Variants in FHIT observed in about 807,000 individuals in gnomAD.
FHIT encodes the protein bis(5'-adenosyl)-triphosphatase.
A neutral mutation model predicts 17.9 loss-of-function variants in FHIT; 19 were observed. The ratio of observed to expected loss-of-function variants is 1.06; its 90% CI spans 0.74 to 1.56. The LOEUF (loss-of-function observed/expected upper bound fraction) is 1.56. Ranked by LOEUF, FHIT falls within the 40% of genes most tolerant of loss-of-function variation. The pLI, the probability that FHIT is intolerant of heterozygous loss-of-function variation, is 0.00. For missense variants in FHIT, 248 were observed against 189.2 expected, an observed-to-expected ratio of 1.31 and a Z score of -1.82; for synonymous variants, 81 against 69.7, an observed-to-expected ratio of 1.16 and a Z score of -0.81.
intron 5 of FHIT, among the ~76,000 whole-genome samples, chr3:60,441,796 A>ATGTGTGTGTGTGTG (rs1231842131): frequency 1.4e-4 from 9 of 66,092 alleles, no homozygotes; most frequent in Admixed American, 3.9e-4. Flanking sequence ...ATATATATAT[A>ATGTGTGTGTGTGTG]TATATATATA....
At chr3:60,399,962 C>A (rs557261275) in intron 5 of FHIT, among the ~76,000 whole-genome samples, 1 of 152,256 alleles carries the variant, frequency 6.6e-6, no homozygotes, top group South Asian at 2.1e-4. Context: ...TTGCTCCCAG[C>A]CTCCAGGAAC....
intron 3 of FHIT, among the ~76,000 whole-genome samples, chr3:61,029,683 G>A (rs903784090): frequency 1.3e-5 from 2 of 152,220 alleles, no homozygotes; most frequent in Non-Finnish European, 2.9e-5. Context: ...AAGGTAGGAA[G>A]AGAATTACAT....
intron 5 of FHIT, among the ~76,000 whole-genome samples, chr3:60,308,625 A>G (rs2106745673): frequency 6.6e-6 from 1 of 151,820 alleles, no homozygotes; most frequent in African/African-American, 2.4e-5. Context: ...TTCATTTTAT[A>G]TTTGCATGAG....
At chr3:59,767,092 C>T (rs1201922037) in intron 8 of FHIT, among the ~76,000 whole-genome samples, 9 of 152,102 alleles carry the variant, frequency 5.9e-5, no homozygotes, top group Non-Finnish European at 1.5e-5. Context: ...GCTATTTGGG[C>T]CTTGGGTGGA....
chr3:60,513,356 C>A (rs996487382), intron 5 of FHIT, among the ~76,000 whole-genome samples: 2 of 152,218 alleles, frequency 1.3e-5, no homozygotes, highest in Middle Eastern at 6.8e-3. Context: ...AGGTATTTTT[C>A]TTCAGCCTCA....
At chr3:60,033,170 T>C (rs1701073186) in intron 5 of FHIT, among the ~76,000 whole-genome samples, 1 of 152,202 alleles carries the variant, frequency 6.6e-6, no homozygotes, top group Non-Finnish European at 1.5e-5. Flanking sequence ...AGAACTTGAC[T>C]ACTGCATTAA....
intron 2 of FHIT, among the ~76,000 whole-genome samples, chr3:61,093,244 G>GGA (rs57916294): frequency 2.3e-4 from 35 of 150,820 alleles, no homozygotes; most frequent in African/African-American, 4.6e-4. Flanking sequence ...TTCTATGTAT[G>GGA]GAGAGAGAGA....
rs542860105 is a variant in FHIT at position 60,019,094 on chromosome 3, G to C, written c.104-4942C>G. On this transcript the variant is annotated intron_variant, in intron 5 of 9. Transcript: ENST00000492590. ...TCACTCATGCAACTGCTTTCAGATG[G>C]AAGGTAGGCTGGAGTCTGGGCTCAG... Among the ~76,000 whole-genome samples, 7 of 152,304 alleles carry C rather than the reference G, an allele frequency of 4.6e-5. No homozygotes were observed. In the South Asian group the frequency reaches 1.5e-3, roughly 32 times the overall value.
intron 4 of FHIT, among the ~76,000 whole-genome samples, chr3:60,608,791 T>A (rs1326440947): frequency 6.6e-6 from 1 of 152,158 alleles, no homozygotes; most frequent in Non-Finnish European, 1.5e-5. Context: ...GTCAAAGTCA[T>A]GTAAAGAGAG....
At chr3:60,228,814 A>T (rs1704345021) in intron 5 of FHIT, among the ~76,000 whole-genome samples, 1 of 152,208 alleles carries the variant, frequency 6.6e-6, no homozygotes, top group Non-Finnish European at 1.5e-5. Flanking sequence ...TGTCTGCAGA[A>T]TGAAGGGGAC....
At chr3:60,935,184 T>C (rs1708135352) in intron 3 of FHIT, among the ~76,000 whole-genome samples, 1 of 152,140 alleles carries the variant, frequency 6.6e-6, no homozygotes, top group Non-Finnish European at 1.5e-5. Context: ...ACCATTACAG[T>C]TATTGTCAAA....
intron 4 of FHIT, among the ~76,000 whole-genome samples, chr3:60,623,553 A>G (rs2039194925): frequency 6.6e-6 from 1 of 152,176 alleles, no homozygotes; most frequent in Non-Finnish European, 1.5e-5. Context: ...GTGTGTTTGT[A>G]TCACTCAACT....
chr3:59,917,854 A>T (rs17301008), intron 8 of FHIT, among the ~76,000 whole-genome samples: 48,415 of 152,192 alleles, frequency 0.32, 8,942 homozygotes, highest in Admixed American at 0.46. Context: ...AGCAAATCCT[A>T]CATCTGTATT....
intron 2 of FHIT, among the ~76,000 whole-genome samples, chr3:61,119,327 C>T (rs2036389510): frequency 6.6e-6 from 1 of 152,048 alleles, no homozygotes; most frequent in South Asian, 2.1e-4. Flanking sequence ...CAAGCGATTC[C>T]CTGCTTCAGC....
chr3:60,380,353 T>C (rs1700746828), intron 5 of FHIT, among the ~76,000 whole-genome samples: 1 of 152,182 alleles, frequency 6.6e-6, no homozygotes. Flanking sequence ...GATACTAAGT[T>C]TCCTCTGGCC....
At chr3:61,025,487 G>C (rs757398434) in intron 3 of FHIT, among the ~76,000 whole-genome samples, 29 of 152,158 alleles carry the variant, frequency 1.9e-4, no homozygotes, top group Admixed American at 5.9e-4. Context: ...CCTTTGAATG[G>C]ATAAGCACAT....
At chr3:59,840,295 C>T (rs568480850) in intron 8 of FHIT, among the ~76,000 whole-genome samples, 2 of 151,608 alleles carry the variant, frequency 1.3e-5, no homozygotes, top group East Asian at 1.9e-4. Flanking sequence ...CCAACTCAGA[C>T]ACCTATAGGG....
intron 8 of FHIT, among the ~76,000 whole-genome samples, chr3:59,919,193 C>A (rs183070513): frequency 1.1e-3 from 171 of 152,260 alleles, no homozygotes; most frequent in African/African-American, 4.0e-3. Context: ...CCAAGTGGCC[C>A]ATGCACTGAC....
intron 5 of FHIT, among the ~76,000 whole-genome samples, chr3:60,111,126 GA>G (rs1262085447): frequency 6.6e-6 from 1 of 151,002 alleles, no homozygotes; most frequent in Non-Finnish European, 1.5e-5. Flanking sequence ...AGACCGAGAA[GA>G]AAAAAAAAGT....
Sources: allele counts gnomAD v4.1 joint callset (sites outside exome capture counted in the v4.1 genomes callset), GRCh38; gene constraint gnomAD v4.1.1; transcripts MANE v1.5; gene names NCBI Gene and HGNC (gene_info 2026-07-23, HGNC 2026-07-21).